The following PROM1 variants were observed in gnomAD, a reference collection of about 807,000 sequenced individuals.
PROM1 encodes the protein prominin 1.
A neutral mutation model predicts 116.9 loss-of-function variants in PROM1; 105 were observed. The ratio of observed to expected loss-of-function variants is 0.90; its 90% CI spans 0.77 to 1.06. The LOEUF (loss-of-function observed/expected upper bound fraction) is 1.06. Ranked by LOEUF, PROM1 falls within the 50% of genes least tolerant of loss-of-function variation. The pLI, the probability that PROM1 is intolerant of heterozygous loss-of-function variation, is 0.00. For synonymous variants in PROM1, 393 were observed against 387.0 expected (o/e 1.02, Z -0.18); for missense variants, 1,122 against 1,045.2 (o/e 1.07, Z -1.01).
chr4:15,994,195 G>T (rs183000654), intron 15 of PROM1, 124 bp from the exon 16 acceptor site: 24 of 1,504,294 alleles, frequency 1.6e-5, no homozygotes, highest in Non-Finnish European at 2.1e-5. Flanking sequence ...CAGAAGTGGG[G>T]CTGCATGTCC....
In PROM1 at chr4:15,996,976, C is replaced by T. The variant is rs74896703; in HGVS notation, c.1682+1409G>A. Among the ~76,000 whole-genome samples the T allele has an allele frequency of 7.2e-3, 1,095 of 152,126 alleles. 12 individuals are homozygous for T. Among genetic ancestry groups the T allele is most frequent in the African/African-American group, 0.025 (1,046 of 41,482 alleles). ...ACACCATGTTAACACACACATCCTC[C>T]GGCCCTTCGGTCTCACAGTGGGAGA... On this transcript the variant is annotated intron_variant, in intron 15 of 27. Coordinates refer to ENST00000447510, the MANE Select transcript of PROM1 (RefSeq NM_006017.3).
chr4:16,050,918 A>ACAAG (rs1737719009), intron 2 of PROM1, among the ~76,000 whole-genome samples: 1 of 152,242 alleles, frequency 6.6e-6, no homozygotes, highest in Non-Finnish European at 1.5e-5. Flanking sequence ...TTCTAAGGAT[A>ACAAG]CAAGGATGAC....
At chr4:16,076,246 A>G in intron 1 of PROM1, 128 bp from the exon 2 acceptor site, 1 of 236,400 alleles carries the variant, frequency 4.2e-6, no homozygotes, top group Non-Finnish European at 8.3e-6. Context: ...GGTGGGTGGA[A>G]ACCAAGCACA....
At chr4:15,981,336 C>T (rs1404196024) in intron 23 of PROM1, among the ~76,000 whole-genome samples, 1 of 151,138 alleles carries the variant, frequency 6.6e-6, no homozygotes, top group Non-Finnish European at 1.5e-5. Context: ...TTTGGGAGGC[C>T]GAGGCAGGCG....
At position 16,057,837 on chromosome 4, in the gene PROM1, C is replaced by G. The variant is rs151037514; in HGVS notation, c.220+17850G>C. Among the ~76,000 whole-genome samples the G allele has an allele frequency of 3.9e-3, 601 of 152,250 alleles. 3 individuals carry two copies. The highest frequency in any genetic ancestry group is 0.014 in the African/African-American group (562 of 41,558). On this transcript the variant is annotated intron_variant, in intron 2 of 27. Coordinates refer to ENST00000447510, the MANE Select transcript of PROM1 (RefSeq NM_006017.3). ...GCAAGCCCGGGGACCTAAGAGGAAACAGGAGCTCCATAGAGTCAGATGCTC... is the reference window on the plus strand; with the variant it reads ...GCAAGCCCGGGGACCTAAGAGGAAAGAGGAGCTCCATAGAGTCAGATGCTC...
At chr4:16,034,860 G>T (rs2149389093) in intron 4 of PROM1, among the ~76,000 whole-genome samples, 1 of 152,208 alleles carries the variant, frequency 6.6e-6, no homozygotes, top group East Asian at 1.9e-4. Context: ...AGTGGATGGT[G>T]TCACATTAGC....
rs569007678 is a variant in PROM1, at chr4:16,009,799, C to T, written c.1142-691G>A. The stretch of plus-strand genomic sequence containing the variant: ...TACTAAAAATACAAAAATTACCCAG[C>T]TGTGGTGGCGCATGCCTGTAACTCG... On this transcript the variant is annotated intron_variant, in intron 11 of 27. Coordinates refer to ENST00000447510, the MANE Select transcript of PROM1 (RefSeq NM_006017.3). Among the ~76,000 whole-genome samples, 70 of 151,836 alleles carry T rather than the reference C, an allele frequency of 4.6e-4. 1 individual carries two copies. The highest frequency in any genetic ancestry group is 1.7e-3 in the African/African-American group (69 of 41,420).
chr4:15,999,263 A>G (rs2149176519), intron 14 of PROM1, among the ~76,000 whole-genome samples: 1 of 152,066 alleles, frequency 6.6e-6, no homozygotes. Context: ...CGAGGTCAGG[A>G]GATCGAGACC....
chr4:16,082,061 T>C (rs1745147259), intron 1 of PROM1: 1 of 152,150 alleles, frequency 6.6e-6, no homozygotes, highest in Non-Finnish European at 1.5e-5. Context: ...CAAAGGAGGA[T>C]TTCGCATAGG....
In PROM1 at chr4:16,075,824, GCAT is replaced by G; in HGVS notation, c.80_82del (p.Asp27del). The G allele has an allele frequency of 6.2e-7, 1 of 1,613,768 alleles. No individual in the cohort carries two copies. Among genetic ancestry groups the G allele is most frequent in the Non-Finnish European group, 8.5e-7 (1 of 1,179,830 alleles). ...CAATTCATAATTCCAAGCCTTAGGAGCATCTGTGGATGAAGGCTGCCCTCCTGA... is the reference window on the plus strand; with the variant it reads ...CAATTCATAATTCCAAGCCTTAGGAGCTGTGGATGAAGGCTGCCCTCCTGA... On this transcript the variant is annotated inframe_deletion, in exon 2 of 28. Coordinates refer to ENST00000447510, the MANE Select transcript of PROM1 (RefSeq NM_006017.3).
At chr4:16,012,122 G>A (rs537507788) in intron 11 of PROM1, among the ~76,000 whole-genome samples, 2 of 151,934 alleles carry the variant, frequency 1.3e-5, no homozygotes, top group African/African-American at 2.4e-5. Context: ...TCAGCCTCCC[G>A]AGTAGCTGGG....
chr4:15,992,484 G>A, intron 16 of PROM1, 93 bp from the exon 17 acceptor site: 2 of 1,366,718 alleles, frequency 1.5e-6, no homozygotes, highest in Non-Finnish European at 2.0e-6. Flanking sequence ...TGGATGTGGT[G>A]GCTCATGCCT....
intron 26 of PROM1, chr4:15,976,198 A>C (rs1716084097): frequency 2.2e-6 from 1 of 455,704 alleles, no homozygotes; most frequent in South Asian, 1.5e-5. Context: ...TTTCAACACT[A>C]AAAGCCCAAG....
intron 13 of PROM1, among the ~76,000 whole-genome samples, chr4:16,005,592 A>C (rs1226227122): frequency 6.6e-6 from 1 of 151,678 alleles, no homozygotes; most frequent in African/African-American, 2.4e-5. Context: ...TAATCAAATT[A>C]ATGTACAGCA....
At chr4:16,067,308 G>A (rs1180092660) in intron 2 of PROM1, among the ~76,000 whole-genome samples, 1 of 152,190 alleles carries the variant, frequency 6.6e-6, no homozygotes, top group South Asian at 2.1e-4. Flanking sequence ...CCTCATCAGC[G>A]AAAGAAAAGT....
At chr4:16,018,216 G>A (rs1560496528) in intron 9 of PROM1, 107 bp downstream of exon 9, 3 of 1,035,100 alleles carry the variant, frequency 2.9e-6, no homozygotes, top group Non-Finnish European at 2.9e-6. Context: ...GGGGCTAACT[G>A]TTCTCCAAGT....
Position 16,075,716 on chromosome 4 carries a change from T to G in PROM1, c.191A>C (p.Tyr64Ser), listed in dbSNP as rs1312543684. 1 of 1,613,450 alleles carries G rather than the reference T, an allele frequency of 6.2e-7. No individual in the cohort carries two copies. Among genetic ancestry groups the G allele is most frequent in the East Asian group, 2.2e-5 (1 of 44,890 alleles). ...TGGGAAATCACGCGGCTGTACCACA[T>G]AGAGAAAGATATGCACTAGTTCAAA... ...ILFELVHIFL[Y>S]VVQPRDFPED... Residue 64 changes from tyrosine to serine, a missense_variant, in exon 2 of 28, where the codon TAT becomes TCT. By Grantham distance (144) the Tyr-to-Ser change is moderately radical. Transcript: ENST00000447510.
chr4:16,060,789 C>T (rs1478453866), intron 2 of PROM1, among the ~76,000 whole-genome samples: 1 of 152,254 alleles, frequency 6.6e-6, no homozygotes, highest in South Asian at 2.1e-4. Context: ...TTTTTCCCAA[C>T]ATATATATAC....
chr4:16,003,985 G>A (rs1429414654), intron 13 of PROM1, among the ~76,000 whole-genome samples: 1 of 152,042 alleles, frequency 6.6e-6, no homozygotes, highest in Non-Finnish European at 1.5e-5. Flanking sequence ...TGGTGTTTTG[G>A]TTGCAACAAA....
Sources: allele counts gnomAD v4.1 joint callset (sites outside exome capture counted in the v4.1 genomes callset), GRCh38; gene constraint gnomAD v4.1.1; transcripts MANE v1.5; gene names NCBI Gene and HGNC (gene_info 2026-07-23, HGNC 2026-07-21).